MKRN2: variants seen among roughly 807,000 people sequenced by gnomAD.
MKRN2 encodes the protein E3 ubiquitin-protein ligase makorin-2.
MKRN2 carries 32 observed loss-of-function variants against 45.4 expected under a neutral mutation model. That is an observed-to-expected ratio of 0.70 (90% CI 0.53 to 0.95). The LOEUF is 0.95. Among genes scored for constraint, MKRN2 ranks in the 40% least tolerant of loss-of-function variants. MKRN2 has a pLI of 0.00. For synonymous variants in MKRN2, 206 were observed against 192.4 expected, an observed-to-expected ratio of 1.07 and a Z score of -0.59; for missense variants, 526 against 536.7, an observed-to-expected ratio of 0.98 and a Z score of 0.20.
Position 12,582,173 on chromosome 3 carries a change from C to G in MKRN2, c.1171C>G (p.Pro391Ala). The change falls in exon 8 of 8, where the codon CCC (proline) becomes GCC (alanine). Residue 391 changes from proline (P) to alanine (A), a missense_variant. By Grantham distance (27) the Pro-to-Ala change is conservative. Coordinates refer to ENST00000170447, the MANE Select transcript of MKRN2 (RefSeq NM_014160.5). ...FIENRESRHVPNNEDVDMTEL... is the reference protein window; with the variant it reads ...FIENRESRHVANNEDVDMTEL... ...CGAGAACCGAGAAAGCCGGCATGTC[C>G]CCAACAATGAAGATGTCGACATGAC... 1 of 1,614,126 alleles carries G rather than the reference C, an allele frequency of 6.2e-7. No homozygotes were observed. The highest frequency in any genetic ancestry group is 8.5e-7 in the Non-Finnish European group (1 of 1,180,032).
chr3:12,574,712 T>C, intron 4 of MKRN2, 80 bp from the exon 5 acceptor site: 1 of 1,275,462 alleles, frequency 7.8e-7, no homozygotes, highest in Non-Finnish European at 1.1e-6. Context: ...GCTGTGGCAG[T>C]GTGGCTGCAG....
intron 1 of MKRN2, among the ~76,000 whole-genome samples, chr3:12,564,791 C>G (rs2058060346): frequency 6.6e-6 from 1 of 152,238 alleles, no homozygotes; most frequent in Non-Finnish European, 1.5e-5. Flanking sequence ...TCTCTCCTCC[C>G]AACCCTAGGC....
rs550782855 is a variant in MKRN2, at chr3:12,581,421, G to C, written c.969-387G>C. Among the ~76,000 whole-genome samples, 16 of 152,312 alleles carry C rather than the reference G, an allele frequency of 1.1e-4. No homozygotes were observed. The East Asian group carries it at 3.1e-3, about 29-fold the overall frequency. Reference sequence around the variant, plus strand: ...TGGGGTACCTAGGGAACTTTGAGCAGAGACAAGTGGCCCAGCTTCAGAGCT... The same window carrying C: ...TGGGGTACCTAGGGAACTTTGAGCACAGACAAGTGGCCCAGCTTCAGAGCT... On this transcript the variant is annotated intron_variant, in intron 6 of 7. Transcript: ENST00000170447.
intron 4 of MKRN2, among the ~76,000 whole-genome samples, 165 bp downstream of exon 4, chr3:12,572,538 T>A (rs2058106015): frequency 6.6e-6 from 1 of 152,152 alleles, no homozygotes; most frequent in Admixed American, 6.5e-5. Context: ...CCATATTATG[T>A]ATCTGGTATA....
intron 1 of MKRN2, among the ~76,000 whole-genome samples, chr3:12,567,346 C>G (rs542719583): frequency 3.7e-4 from 56 of 151,570 alleles, no homozygotes; most frequent in African/African-American, 1.3e-3. Context: ...ATCATGGCTA[C>G]TGCAGCCTTG....
At chr3:12,572,459 A>C in intron 4 of MKRN2, 86 bp downstream of exon 4, 24 of 1,248,690 alleles carry the variant, frequency 1.9e-5, no homozygotes, top group Non-Finnish European at 2.4e-5. Context: ...ATATACACTC[A>C]AGAAATCTGA....
intron 2 of MKRN2, among the ~76,000 whole-genome samples, chr3:12,569,649 T>A (rs1482637719): frequency 6.6e-6 from 1 of 152,136 alleles, no homozygotes; most frequent in East Asian, 1.9e-4. Flanking sequence ...TAGGCCCACG[T>A]TGGTCTTCCC....
chr3:12,571,114 TTTTG>T (rs59101458), intron 3 of MKRN2, among the ~76,000 whole-genome samples: 1 of 150,394 alleles, frequency 6.6e-6, no homozygotes, highest in African/African-American at 2.4e-5. Context: ...TTGTTGTGTT[TTTTG>T]TTTGTTTTGT....
chr3:12,559,444 G>GT lies in MKRN2; in HGVS notation c.26+2276dup, dbSNP rs942846078. Among the ~76,000 whole-genome samples, 85 of 151,676 alleles carry GT rather than the reference G, an allele frequency of 5.6e-4. 1 individual carries two copies. Among genetic ancestry groups the GT allele is most frequent in the Non-Finnish European group, 3.1e-4 (21 of 67,852 alleles). On this transcript the variant is annotated intron_variant, in intron 1 of 7. Transcript: ENST00000170447. ...TTTTGTGGGTTTTGTTTGTTTTTTT[G>GT]TTTTTTTTAATCTCAGGTCACAAAG...
intron 2 of MKRN2, 125 bp from the exon 3 acceptor site, chr3:12,569,946 G>A: frequency 1.1e-6 from 1 of 877,088 alleles, no homozygotes; most frequent in East Asian, 2.5e-5. Flanking sequence ...TTTAAATATT[G>A]GAAAAGATGG....
At chr3:12,573,888 G>A (rs2058115220) in intron 4 of MKRN2, among the ~76,000 whole-genome samples, 1 of 150,140 alleles carries the variant, frequency 6.7e-6, no homozygotes, top group Admixed American at 6.6e-5. Flanking sequence ...GAGAGACTCT[G>A]TCTCAAAAAA....
chr3:12,566,966 C>G (rs1375326759), intron 1 of MKRN2, among the ~76,000 whole-genome samples: 2 of 152,200 alleles, frequency 1.3e-5, no homozygotes, highest in Non-Finnish European at 2.9e-5. Context: ...TTAAATCTTT[C>G]AGCATATTGA....
At position 12,582,329 on chromosome 3, in the gene MKRN2, G is replaced by C; in HGVS notation, c.*76G>C. 6.4e-7 allele frequency: 1 copy of C among 1,573,756 alleles called. No individual in the cohort carries two copies. The highest frequency in any genetic ancestry group is 8.7e-7 in the Non-Finnish European group (1 of 1,151,092). Reference sequence around the variant, plus strand: ...AAGCCAGGGTGTGCGGAGCTTCCCTGTACTGCAGCCAAGGTGACGTGTGAC... The same window carrying C: ...AAGCCAGGGTGTGCGGAGCTTCCCTCTACTGCAGCCAAGGTGACGTGTGAC... On this transcript the variant is annotated 3_prime_UTR_variant, in exon 8 of 8. Coordinates refer to ENST00000170447, the MANE Select transcript of MKRN2 (RefSeq NM_014160.5).
At chr3:12,581,669 C>T (rs1238262582) in intron 6 of MKRN2, 139 bp from the exon 7 acceptor site, 1 of 897,348 alleles carries the variant, frequency 1.1e-6, no homozygotes. Flanking sequence ...TCAACCTCTC[C>T]CAGCCTCAGC....
At chr3:12,562,314 G>A (rs2058042933) in intron 1 of MKRN2, among the ~76,000 whole-genome samples, 1 of 152,122 alleles carries the variant, frequency 6.6e-6, no homozygotes, top group African/African-American at 2.4e-5. Context: ...TCTGTGTAGA[G>A]AACTGTTACT....
chr3:12,572,176 G>A lies in MKRN2; in HGVS notation c.445G>A (p.Asp149Asn). ...CGAGATGAAGCCGCATTCCTACCTG[G>A]ATGCCATCAGGAGTGGCCTTGATGA... The part of the protein sequence containing the change: ...SPEMKPHSYL[D>N]AIRSGLDDVE... Residue 149 changes from aspartate (D) to asparagine (N), a missense_variant, in exon 4 of 8, where the codon GAT becomes AAT. Coordinates refer to ENST00000170447, the MANE Select transcript of MKRN2 (RefSeq NM_014160.5). 1 of 1,614,124 alleles carries A rather than the reference G, an allele frequency of 6.2e-7. No individual in the cohort carries two copies. The highest frequency in any genetic ancestry group is 8.5e-7 in the Non-Finnish European group (1 of 1,180,014).
At chr3:12,581,687 C>G in intron 6 of MKRN2, 121 bp from the exon 7 acceptor site, 1 of 1,092,912 alleles carries the variant, frequency 9.1e-7, no homozygotes, top group Non-Finnish European at 1.3e-6. Flanking sequence ...AGCTGCCCCA[C>G]CTAGAATGTG....
chr3:12,576,189 ATG>A (rs59197804), intron 5 of MKRN2, among the ~76,000 whole-genome samples: 16,525 of 143,046 alleles, frequency 0.12, 905 homozygotes, highest in Non-Finnish European at 0.13. Flanking sequence ...GAAACCATAT[ATG>A]TGTGTGTGTG....
chr3:12,569,963 T>C (rs2125303638), intron 2 of MKRN2, 108 bp from the exon 3 acceptor site: 2 of 1,096,722 alleles, frequency 1.8e-6, no homozygotes, highest in Non-Finnish European at 2.6e-6. Flanking sequence ...ATGGCCGCCT[T>C]CTTCACCTCA....
Sources: allele counts gnomAD v4.1 joint callset (sites outside exome capture counted in the v4.1 genomes callset), GRCh38; gene constraint gnomAD v4.1.1; transcripts MANE v1.5; gene names NCBI Gene and HGNC (gene_info 2026-07-23, HGNC 2026-07-21).